Variants in NPAS3 observed in about 807,000 individuals in gnomAD.
NPAS3 encodes neuronal PAS domain protein 3.
A neutral mutation model predicts 73.1 loss-of-function variants in NPAS3; 14 were observed. The ratio of observed to expected loss-of-function variants is 0.19; its 90% CI spans 0.13 to 0.30. NPAS3 has a LOEUF of 0.30. NPAS3 is among the 10% of genes least tolerant of loss of function. NPAS3 has a pLI of 1.00. For synonymous variants in NPAS3, 620 were observed against 541.5 expected, an observed-to-expected ratio of 1.14 and a Z score of -2.01; for missense variants, 1,096 against 1,250.0, an observed-to-expected ratio of 0.88 and a Z score of 1.86.
intron 4 of NPAS3, among the ~76,000 whole-genome samples, chr14:33,376,629 T>C (rs1319209715): frequency 6.6e-6 from 1 of 152,158 alleles, no homozygotes; most frequent in East Asian, 1.9e-4. Flanking sequence ...GTTAGAAGCT[T>C]AGTTTGTATC....
At chr14:33,082,796 G>A (rs2041900624) in intron 2 of NPAS3, among the ~76,000 whole-genome samples, 1 of 152,194 alleles carries the variant, frequency 6.6e-6, no homozygotes, top group Admixed American at 6.5e-5. Flanking sequence ...TTATAGAGTG[G>A]TGCGAGGTTT....
intron 3 of NPAS3, among the ~76,000 whole-genome samples, chr14:33,300,135 T>C (rs1255798268): frequency 6.6e-6 from 1 of 152,234 alleles, no homozygotes; most frequent in African/African-American, 2.4e-5. Flanking sequence ...GATTAGAAAC[T>C]TGAGCTTCTT....
At chr14:33,247,540 G>A (rs2048435924) in intron 3 of NPAS3, among the ~76,000 whole-genome samples, 1 of 152,184 alleles carries the variant, frequency 6.6e-6, no homozygotes, top group Admixed American at 6.5e-5. Context: ...TGCAAGGACA[G>A]CGGGGCATTG....
intron 5 of NPAS3, among the ~76,000 whole-genome samples, chr14:33,657,092 A>G (rs1401928350): frequency 6.6e-6 from 1 of 152,204 alleles, no homozygotes; most frequent in Non-Finnish European, 1.5e-5. Context: ...ACATCGCGCT[A>G]AGTGAAATAA....
chr14:33,750,249 C>G (rs182129786), intron 7 of NPAS3, among the ~76,000 whole-genome samples: 21 of 150,388 alleles, frequency 1.4e-4, no homozygotes, highest in Admixed American at 4.0e-4. Context: ...CATTAGTACT[C>G]TGTCATTCTA....
At chr14:33,051,092 G>A (rs1470484832) in intron 1 of NPAS3, among the ~76,000 whole-genome samples, 1 of 150,998 alleles carries the variant, frequency 6.6e-6, no homozygotes, top group Non-Finnish European at 1.5e-5. Flanking sequence ...GGCTAACAAG[G>A]TGAAACCCCG....
chr14:33,601,324 A>C (rs554256974), intron 5 of NPAS3, among the ~76,000 whole-genome samples: 17 of 152,366 alleles, frequency 1.1e-4, no homozygotes, highest in African/African-American at 4.1e-4. Flanking sequence ...GCAGTGCCCC[A>C]GGTTGGCAAA....
At chr14:33,581,153 A>C (rs1256953424) in intron 5 of NPAS3, among the ~76,000 whole-genome samples, 2 of 152,200 alleles carry the variant, frequency 1.3e-5, no homozygotes, top group African/African-American at 2.4e-5. Flanking sequence ...ACAAGCGAAA[A>C]CATGTAATTA....
intron 1 of NPAS3, among the ~76,000 whole-genome samples, chr14:32,941,636 G>A (rs535079526): frequency 6.6e-6 from 1 of 151,972 alleles, no homozygotes; most frequent in Non-Finnish European, 1.5e-5. Context: ...TGAAGTTGTA[G>A]GAGGATATAC....
chr14:33,186,796 T>C (rs2045992600), intron 2 of NPAS3, among the ~76,000 whole-genome samples: 1 of 152,190 alleles, frequency 6.6e-6, no homozygotes, highest in Admixed American at 6.5e-5. Context: ...TCCCCTGAGA[T>C]CACTCTAGTG....
At chr14:33,110,054 T>C (rs2138955334) in intron 2 of NPAS3, among the ~76,000 whole-genome samples, 1 of 152,182 alleles carries the variant, frequency 6.6e-6, no homozygotes, top group Middle Eastern at 3.4e-3. Flanking sequence ...CCGAGAGCTC[T>C]CTGTAATAGT....
intron 2 of NPAS3, among the ~76,000 whole-genome samples, chr14:33,181,909 T>C (rs1047842993): frequency 6.6e-6 from 1 of 152,220 alleles, no homozygotes; most frequent in Non-Finnish European, 1.5e-5. Flanking sequence ...TCCACATATT[T>C]TGACAGATAC....
chr14:33,472,825 AG>A (rs2050846088), intron 4 of NPAS3, among the ~76,000 whole-genome samples: 1 of 150,680 alleles, frequency 6.6e-6, no homozygotes, highest in Admixed American at 6.6e-5. Context: ...ATGTGTGCAA[AG>A]CAGAAAAAAA....
chr14:33,139,190 A>G (rs2043952538), intron 2 of NPAS3, among the ~76,000 whole-genome samples: 1 of 152,152 alleles, frequency 6.6e-6, no homozygotes, highest in Non-Finnish European at 1.5e-5. Flanking sequence ...CTTGTCAAGC[A>G]TATAAAATCA....
At chr14:33,566,909 T>C (rs2055976929) in intron 5 of NPAS3, among the ~76,000 whole-genome samples, 2 of 152,334 alleles carry the variant, frequency 1.3e-5, no homozygotes, top group African/African-American at 4.8e-5. Flanking sequence ...ACCTGTGCTA[T>C]TTGGCTTTGA....
At chr14:33,019,177 G>A (rs544731093) in intron 1 of NPAS3, among the ~76,000 whole-genome samples, 165 of 152,286 alleles carry the variant, frequency 1.1e-3, no homozygotes, top group Middle Eastern at 3.4e-3. Context: ...CCCCACCCAG[G>A]TGTCAGGCCA....
intron 2 of NPAS3, among the ~76,000 whole-genome samples, chr14:33,111,118 C>T (rs1356665829): frequency 6.6e-6 from 1 of 152,186 alleles, no homozygotes; most frequent in Non-Finnish European, 1.5e-5. Flanking sequence ...CAGCTGCTGC[C>T]CTTGGAAGGC....
intron 2 of NPAS3, among the ~76,000 whole-genome samples, chr14:33,201,765 T>TG (rs2046627209): frequency 6.6e-6 from 1 of 152,198 alleles, no homozygotes; most frequent in South Asian, 2.1e-4. Context: ...TGCTTTGTGA[T>TG]GGGGGCACAT....
chr14:33,764,544 T>G (rs1335459351), intron 7 of NPAS3, among the ~76,000 whole-genome samples: 1 of 152,090 alleles, frequency 6.6e-6, no homozygotes, highest in African/African-American at 2.4e-5. Context: ...GTAGGGGGAG[T>G]AGGGAAGCAG....
Sources: gnomAD v4.1 joint callset for allele counts (sites outside exome capture counted in the v4.1 genomes callset) on GRCh38, gnomAD v4.1.1 for gene constraint, MANE v1.5 for transcripts, NCBI Gene and HGNC (gene_info 2026-07-23, HGNC 2026-07-21) for gene names.